Variants in GRID2 observed in about 807,000 individuals in gnomAD.
The protein encoded by GRID2 is glutamate ionotropic receptor delta type subunit 2.
GRID2 carries 33 observed loss-of-function variants against 114.8 expected under a neutral mutation model. The observed-to-expected ratio is 0.29, with a 90% CI of 0.22 to 0.38. The LOEUF (loss-of-function observed/expected upper bound fraction) is 0.38, where lower values mean the gene tolerates loss of function less well. Among genes scored for constraint, GRID2 ranks in the 10% least tolerant of loss-of-function variants. The pLI is 1.00. For synonymous variants in GRID2, 505 were observed against 449.9 expected (o/e 1.12, Z -1.55); for missense variants, 1,184 against 1,257.7 (o/e 0.94, Z 0.89).
intron 4 of GRID2, among the ~76,000 whole-genome samples, chr4:93,144,852 A>G (rs1035702074): frequency 6.6e-6 from 1 of 152,180 alleles, no homozygotes; most frequent in Non-Finnish European, 1.5e-5. Flanking sequence ...AGTACCCATA[A>G]AAAGCAACAT....
At chr4:92,967,933 T>G (rs1036156701) in intron 2 of GRID2, among the ~76,000 whole-genome samples, 3 of 151,994 alleles carry the variant, frequency 2.0e-5, no homozygotes, top group African/African-American at 7.2e-5. Flanking sequence ...TCTATTAGCA[T>G]TCTATCACTA....
At chr4:92,459,037 A>C (rs1242463540) in intron 1 of GRID2, among the ~76,000 whole-genome samples, 1 of 152,168 alleles carries the variant, frequency 6.6e-6, no homozygotes, top group Non-Finnish European at 1.5e-5. Context: ...TTATTTTTTA[A>C]GCAAATGCCT....
At chr4:93,363,708 A>G (rs1042652732) in intron 8 of GRID2, among the ~76,000 whole-genome samples, 1 of 152,090 alleles carries the variant, frequency 6.6e-6, no homozygotes, top group East Asian at 1.9e-4. Flanking sequence ...TTAAATTAAT[A>G]TACCTTAATT....
intron 9 of GRID2, among the ~76,000 whole-genome samples, chr4:93,419,686 T>C (rs1291420529): frequency 6.6e-6 from 1 of 152,118 alleles, no homozygotes; most frequent in Non-Finnish European, 1.5e-5. Context: ...CCATTTCTAT[T>C]CTGTATCTTT....
chr4:92,593,103 G>T (rs1728783573), intron 2 of GRID2, among the ~76,000 whole-genome samples: 1 of 152,068 alleles, frequency 6.6e-6, no homozygotes, highest in East Asian at 1.9e-4. Flanking sequence ...ATAAGTGATT[G>T]CTTATATATT....
chr4:93,672,543 C>T (rs1211859433), intron 14 of GRID2, among the ~76,000 whole-genome samples: 1 of 152,216 alleles, frequency 6.6e-6, no homozygotes, highest in Non-Finnish European at 1.5e-5. Flanking sequence ...TCACCCTGTG[C>T]TACACAAATA....
At chr4:92,943,492 C>A (rs1340340924) in intron 2 of GRID2, among the ~76,000 whole-genome samples, 4 of 151,850 alleles carry the variant, frequency 2.6e-5, no homozygotes, top group Non-Finnish European at 5.9e-5. Flanking sequence ...AATTTTTTTT[C>A]AAGGTTTTTA....
In GRID2 at chr4:93,537,876, A is replaced by G. The variant is rs367626024; in HGVS notation, c.2193+22465A>G. ...AATATGTTCATTTTTTCCTTTTGTTATATAGGTTCTTTTTATCTCGTTTTT... is the reference window on the plus strand; with the variant it reads ...AATATGTTCATTTTTTCCTTTTGTTGTATAGGTTCTTTTTATCTCGTTTTT... On this transcript the variant is annotated intron_variant, in intron 13 of 15. Coordinates refer to ENST00000282020, the MANE Select transcript of GRID2 (RefSeq NM_001510.4). Among the ~76,000 whole-genome samples the G allele has an allele frequency of 1.3e-4, 19 of 151,762 alleles. No individual in the cohort carries two copies. The East Asian group carries it at 3.3e-3, about 26-fold the overall frequency.
chr4:93,294,028 G>A (rs1029650786), intron 8 of GRID2, among the ~76,000 whole-genome samples: 1 of 152,138 alleles, frequency 6.6e-6, no homozygotes, highest in Non-Finnish European at 1.5e-5. Flanking sequence ...ATAGATGAAG[G>A]GAAAGTCATT....
At chr4:93,059,609 T>C (rs1316644427) in intron 2 of GRID2, among the ~76,000 whole-genome samples, 1 of 152,162 alleles carries the variant, frequency 6.6e-6, no homozygotes, top group Non-Finnish European at 1.5e-5. Flanking sequence ...GGACACTTTA[T>C]GTATTGTTAT....
At chr4:93,592,094 G>T (rs1019961139) in intron 13 of GRID2, among the ~76,000 whole-genome samples, 1 of 152,044 alleles carries the variant, frequency 6.6e-6, no homozygotes, top group Non-Finnish European at 1.5e-5. Context: ...CTTGCCTTCT[G>T]CTACCTTTTG....
chr4:92,386,873 C>T (rs1191452541), intron 1 of GRID2, among the ~76,000 whole-genome samples: 11 of 151,692 alleles, frequency 7.3e-5, no homozygotes, highest in African/African-American at 2.7e-4. Flanking sequence ...GATACATAGC[C>T]TCATGTTTAT....
At chr4:92,479,983 T>C (rs1009391652) in intron 1 of GRID2, among the ~76,000 whole-genome samples, 1 of 152,166 alleles carries the variant, frequency 6.6e-6, no homozygotes, top group Non-Finnish European at 1.5e-5. Flanking sequence ...TTTGAAACAT[T>C]GTAATTACTA....
intron 8 of GRID2, among the ~76,000 whole-genome samples, chr4:93,246,066 A>G (rs1748168328): frequency 6.6e-6 from 1 of 152,188 alleles, no homozygotes; most frequent in Non-Finnish European, 1.5e-5. Context: ...AATGTCCTTT[A>G]TGGCTCCAAA....
chr4:92,788,150 G>T (rs934341711), intron 2 of GRID2, among the ~76,000 whole-genome samples: 1 of 151,732 alleles, frequency 6.6e-6, no homozygotes, highest in Non-Finnish European at 1.5e-5. Flanking sequence ...GGGGAGAGGC[G>T]AGGACATTTC....
chr4:93,693,628 A>G (rs1406359876), intron 14 of GRID2, among the ~76,000 whole-genome samples: 1 of 152,138 alleles, frequency 6.6e-6, no homozygotes, highest in Non-Finnish European at 1.5e-5. Context: ...ACTTTTCTGT[A>G]CCTAAAATTT....
chr4:93,423,468 C>T (rs929938776), intron 10 of GRID2, among the ~76,000 whole-genome samples: 8 of 150,950 alleles, frequency 5.3e-5, no homozygotes, highest in Non-Finnish European at 1.0e-4. Flanking sequence ...CTGCCTCAGC[C>T]TCCCGAGTAG....
At chr4:92,954,183 C>T (rs1752221871) in intron 2 of GRID2, among the ~76,000 whole-genome samples, 1 of 151,934 alleles carries the variant, frequency 6.6e-6, no homozygotes, top group East Asian at 1.9e-4. Flanking sequence ...ATGAAAAAAG[C>T]ATACTATGTG....
At chr4:92,572,388 A>G (rs1337274943) in intron 1 of GRID2, among the ~76,000 whole-genome samples, 1 of 149,896 alleles carries the variant, frequency 6.7e-6, no homozygotes, top group East Asian at 2.0e-4. Context: ...TTGAGGCAAT[A>G]ATTAATAGCT....
Sources: allele counts gnomAD v4.1 joint callset (sites outside exome capture counted in the v4.1 genomes callset), GRCh38; gene constraint gnomAD v4.1.1; transcripts MANE v1.5; gene names NCBI Gene and HGNC (gene_info 2026-07-23, HGNC 2026-07-21).